The following FAM171A1 variants were observed in gnomAD, a reference collection of about 807,000 sequenced individuals.
The protein encoded by FAM171A1 is family with sequence similarity 171 member A1, also known as protein FAM171A1.
A neutral mutation model predicts 74.9 loss-of-function variants in FAM171A1; 23 were observed. The ratio of observed to expected loss-of-function variants is 0.31; its 90% confidence interval spans 0.22 to 0.44. The LOEUF is 0.44. FAM171A1 is among the 20% of genes least tolerant of loss of function. FAM171A1 has a pLI of 1.00. For synonymous variants in FAM171A1, 527 were observed against 505.7 expected (o/e 1.04, Z -0.57); for missense variants, 1,162 against 1,159.2 (o/e 1.00, Z -0.03).
intron 6 of FAM171A1, among the ~76,000 whole-genome samples, chr10:15,220,154 C>G (rs966785647): frequency 2.6e-5 from 4 of 152,130 alleles, no homozygotes; most frequent in African/African-American, 9.7e-5. Context: ...ATTCACCAGT[C>G]TTGAATGTGC....
At chr10:15,256,014 C>T (rs1358470140) in intron 3 of FAM171A1, among the ~76,000 whole-genome samples, 4 of 152,066 alleles carry the variant, frequency 2.6e-5, no homozygotes, top group South Asian at 2.1e-4. Context: ...ATTCACCAGA[C>T]GTAAAGGTGC....
chr10:15,290,349 C>T (rs1269722990), intron 1 of FAM171A1, among the ~76,000 whole-genome samples: 1 of 152,174 alleles, frequency 6.6e-6, no homozygotes, highest in East Asian at 1.9e-4. Flanking sequence ...CAGCTTATTG[C>T]CTTTGAAGGC....
At chr10:15,313,165 C>T (rs752458802) in intron 1 of FAM171A1, among the ~76,000 whole-genome samples, 7 of 152,130 alleles carry the variant, frequency 4.6e-5, no homozygotes, top group Non-Finnish European at 1.0e-4. Flanking sequence ...GATGGGAGCA[C>T]GGTTCCTCCT....
chr10:15,346,101 A>G (rs1358579625), intron 1 of FAM171A1, among the ~76,000 whole-genome samples: 1 of 152,084 alleles, frequency 6.6e-6, no homozygotes, highest in African/African-American at 2.4e-5. Flanking sequence ...GCTGCTTCAC[A>G]GGTATTTTTT....
chr10:15,270,358 G>A (rs1834807000), intron 3 of FAM171A1, among the ~76,000 whole-genome samples: 1 of 152,222 alleles, frequency 6.6e-6, no homozygotes, highest in East Asian at 1.9e-4. Flanking sequence ...TGAGGCTTGA[G>A]TAGCCAAACA....
At chr10:15,347,908 T>TA (rs1835835666) in intron 1 of FAM171A1, among the ~76,000 whole-genome samples, 1 of 151,636 alleles carries the variant, frequency 6.6e-6, no homozygotes, top group Non-Finnish European at 1.5e-5. Flanking sequence ...ATTTGCGTTC[T>TA]ACCCCAATGC....
intron 1 of FAM171A1, among the ~76,000 whole-genome samples, chr10:15,352,196 G>A (rs774005887): frequency 6.6e-6 from 1 of 151,798 alleles, no homozygotes; most frequent in Non-Finnish European, 1.5e-5. Flanking sequence ...CCGAAATCAC[G>A]CCACTGCACT....
intron 5 of FAM171A1, among the ~76,000 whole-genome samples, chr10:15,247,995 C>T (rs895772577): frequency 1.3e-5 from 2 of 152,132 alleles, no homozygotes; most frequent in Non-Finnish European, 1.5e-5. Context: ...GCTTGACAGC[C>T]GCCTTGTAAG....
intron 3 of FAM171A1, among the ~76,000 whole-genome samples, chr10:15,272,862 T>C (rs1270052061): frequency 6.6e-6 from 1 of 152,134 alleles, no homozygotes; most frequent in Admixed American, 6.5e-5. Context: ...AGACACAACA[T>C]ATCAGAATCT....
intron 1 of FAM171A1, among the ~76,000 whole-genome samples, chr10:15,324,830 C>T (rs80314984): frequency 6.4e-4 from 98 of 152,286 alleles, no homozygotes; most frequent in African/African-American, 2.1e-3. Context: ...AACTTAGTCA[C>T]GGATTCAGTA....
chr10:15,248,973 G>A (rs1429869728), intron 4 of FAM171A1, among the ~76,000 whole-genome samples, 158 bp from the exon 5 acceptor site: 2 of 152,112 alleles, frequency 1.3e-5, no homozygotes, highest in South Asian at 2.1e-4. Context: ...AACCCAGTAA[G>A]GCAGGTAAAA....
intron 5 of FAM171A1, among the ~76,000 whole-genome samples, chr10:15,226,215 C>T (rs185464593): frequency 5.9e-5 from 9 of 152,308 alleles, no homozygotes; most frequent in East Asian, 1.9e-4. Flanking sequence ...CCAACCTGGT[C>T]GTGCAGCCGG....
At chr10:15,358,568 C>A (rs1835959003) in intron 1 of FAM171A1, among the ~76,000 whole-genome samples, 1 of 152,116 alleles carries the variant, frequency 6.6e-6, no homozygotes, top group African/African-American at 2.4e-5. Flanking sequence ...CAGAAGATTC[C>A]CTCAATCCCA....
chr10:15,269,695 G>A (rs1389858969), intron 3 of FAM171A1, among the ~76,000 whole-genome samples: 1 of 152,202 alleles, frequency 6.6e-6, no homozygotes, highest in Non-Finnish European at 1.5e-5. Context: ...GGCAGAGGCA[G>A]TGCCCTGGAC....
chr10:15,251,579 CTTTGTT>C (rs932431882), intron 4 of FAM171A1, among the ~76,000 whole-genome samples: 2 of 151,036 alleles, frequency 1.3e-5, no homozygotes. Context: ...ATTTTTTTTT[CTTTGTT>C]TTTGTATTTT....
At chr10:15,295,763 T>C (rs1375941965) in intron 1 of FAM171A1, among the ~76,000 whole-genome samples, 7 of 152,110 alleles carry the variant, frequency 4.6e-5, no homozygotes, top group Admixed American at 3.3e-4. Flanking sequence ...GCCATGCAAA[T>C]GCTCTCACCC....
intron 1 of FAM171A1, among the ~76,000 whole-genome samples, chr10:15,353,003 C>G (rs1484178730): frequency 6.6e-6 from 1 of 152,332 alleles, no homozygotes; most frequent in East Asian, 1.9e-4. Context: ...ATAGCAAAGC[C>G]GCATTTTAAA....
intron 1 of FAM171A1, among the ~76,000 whole-genome samples, chr10:15,341,071 T>A (rs1207253315): frequency 1.3e-5 from 2 of 152,212 alleles, no homozygotes; most frequent in Non-Finnish European, 2.9e-5. Flanking sequence ...CAAGTGATAG[T>A]GAGACGTGCA....
chr10:15,249,570 A>C (rs2131759702), intron 4 of FAM171A1, among the ~76,000 whole-genome samples: 1 of 152,360 alleles, frequency 6.6e-6, no homozygotes, highest in South Asian at 2.1e-4. Flanking sequence ...TAATAAAACC[A>C]AATGTTTTAG....
Sources: allele counts gnomAD v4.1 joint callset (sites outside exome capture counted in the v4.1 genomes callset), GRCh38; gene constraint gnomAD v4.1.1; transcripts MANE v1.5; gene names NCBI Gene and HGNC (gene_info 2026-07-23, HGNC 2026-07-21).